ABCC3: variants seen among roughly 807,000 people sequenced by gnomAD.
ABCC3 encodes the protein ATP binding cassette subfamily C member 3.
A neutral mutation model predicts 165.3 loss-of-function variants in ABCC3; 121 were observed. That is an observed-to-expected ratio of 0.73 (90% CI 0.63 to 0.85). The LOEUF (loss-of-function observed/expected upper bound fraction) is 0.85. ABCC3 is among the 40% of genes least tolerant of loss of function. The pLI, the probability that ABCC3 is intolerant of heterozygous loss-of-function variation, is 0.00. For synonymous variants in ABCC3, 733 were observed against 810.1 expected (o/e 0.90, Z 1.62); for missense variants, 1,869 against 1,964.1 (o/e 0.95, Z 0.92).
intron 17 of ABCC3, among the ~76,000 whole-genome samples, chr17:50,669,923 GTATC>G (rs1597854850): frequency 6.6e-6 from 1 of 151,656 alleles, no homozygotes; most frequent in Non-Finnish European, 1.5e-5. Flanking sequence ...AGCCTCCTGA[GTATC>G]TGGGACCACA....
Position 50,665,200 on chromosome 17 carries a change from G to C in ABCC3, c.1386G>C (p.Leu462=). 1 of 1,613,966 alleles carries C rather than the reference G, an allele frequency of 6.2e-7. No homozygotes were observed. Residue 462 remains leucine, a synonymous_variant, in exon 11 of 31, where the codon CTG becomes CTC. Transcript: ENST00000285238. ...VLAGVAFMVL[L]IPLNGAVAVK... Reference sequence around the variant, plus strand: ...CTGGAGTCGCTTTCATGGTCTTGCTGATTCCACTCAACGGAGCTGTGGCCG... The same window carrying C: ...CTGGAGTCGCTTTCATGGTCTTGCTCATTCCACTCAACGGAGCTGTGGCCG...
rs376156397 is a variant in ABCC3, at chr17:50,655,930, C to T, written c.144C>T (p.Ala48=). ...AWVPCIYLWV[A]LPCYLLYLRH... ...TGCCCTGCATCTACCTGTGGGTCGCCCTGCCCTGCTACTTGCTCTACCTGC... is the reference window on the plus strand; with the variant it reads ...TGCCCTGCATCTACCTGTGGGTCGCTCTGCCCTGCTACTTGCTCTACCTGC... Residue 48 remains alanine (A), a synonymous_variant, in exon 2 of 31, where the codon GCC becomes GCT. Transcript: ENST00000285238. 2 of 1,613,974 alleles carry T rather than the reference C, an allele frequency of 1.2e-6. No homozygotes were observed. The highest frequency in any genetic ancestry group is 1.7e-6 in the Non-Finnish European group (2 of 1,180,034).
intron 10 of ABCC3, 86 bp from the exon 11 acceptor site, chr17:50,665,067 A>G: frequency 2.5e-6 from 3 of 1,176,806 alleles, no homozygotes; most frequent in Non-Finnish European, 3.8e-6. Context: ...TTTCAAGTTA[A>G]CAGGCCTCTG....
chr17:50,665,141 G>A lies in ABCC3; in HGVS notation c.1339-12G>A, dbSNP rs372197227. On this transcript the variant is annotated splice_polypyrimidine_tract_variant and intron_variant, in intron 10 of 30. Transcript: ENST00000285238. Reference sequence around the variant, plus strand: ...GTCCCTATGTGTCATCTATCCACCGGTGCCTCCTCAGAACCTAGGTCCCTC... The same window carrying A: ...GTCCCTATGTGTCATCTATCCACCGATGCCTCCTCAGAACCTAGGTCCCTC... 1.2e-6 allele frequency: 2 copies of A among 1,613,124 alleles called. No individual in the cohort carries two copies. Among genetic ancestry groups the A allele is most frequent in the South Asian group, 1.1e-5 (1 of 91,064 alleles).
At position 50,658,118 on chromosome 17, in the gene ABCC3, T is replaced by A; in HGVS notation, c.523T>A (p.Tyr175Asn). 1 of 1,614,166 alleles carries A rather than the reference T, an allele frequency of 6.2e-7. No individual in the cohort carries two copies. The highest frequency in any genetic ancestry group is 1.7e-5 in the Admixed American group (1 of 60,028). ...ISDPFRFTTF[Y>N]IHFALVLSAL... Reference sequence around the variant, plus strand: ...AGACCCCTTCCGCTTCACCACCTTCTACATCCACTTTGCCCTGGTACTCTC... The same window carrying A: ...AGACCCCTTCCGCTTCACCACCTTCAACATCCACTTTGCCCTGGTACTCTC... The change falls in exon 5 of 31, where the codon TAC becomes AAC. Residue 175 changes from tyrosine to asparagine, a missense_variant. Physicochemically the swap from Tyr to Asn is moderately radical, Grantham distance 143. Transcript: ENST00000285238.
intron 4 of ABCC3, 47 bp from the exon 5 acceptor site, chr17:50,658,035 C>T: frequency 1.2e-6 from 2 of 1,613,128 alleles, no homozygotes; most frequent in Non-Finnish European, 1.7e-6. Context: ...GGGCTGCAGG[C>T]CCAGGCTTTT....
intron 1 of ABCC3, among the ~76,000 whole-genome samples, chr17:50,642,791 A>G (rs974495126): frequency 6.6e-6 from 1 of 152,194 alleles, no homozygotes; most frequent in Admixed American, 6.5e-5. Flanking sequence ...AAGTGCACAC[A>G]GCGATTCCCA....
At position 50,669,348 on chromosome 17, in the gene ABCC3, C is replaced by T; in HGVS notation, c.2065-4C>T. 3 of 1,614,198 alleles carry T rather than the reference C, an allele frequency of 1.9e-6. No individual in the cohort carries two copies. Among genetic ancestry groups the T allele is most frequent in the Non-Finnish European group, 2.5e-6 (3 of 1,180,024 alleles). On this transcript the variant is annotated splice_region_variant and splice_polypyrimidine_tract_variant and intron_variant, in intron 16 of 30. Transcript: ENST00000285238. ...GCCCCGAGGTAAATTTCTCCTGTGG[C>T]CAGGGCTCCGTGGCCTATGTGCCCC...
At position 50,673,506 on chromosome 17, in the gene ABCC3, C is replaced by T. The variant is rs1967695401; in HGVS notation, c.2447C>T (p.Pro816Leu). The T allele has an allele frequency of 6.2e-7, 1 of 1,614,118 alleles. No individual in the cohort carries two copies. The highest frequency in any genetic ancestry group is 8.5e-7 in the Non-Finnish European group (1 of 1,180,018). The change falls in exon 19 of 31, where the codon CCC becomes CTC. Residue 816 changes from proline (P) to leucine (L), a missense_variant. Physicochemically the swap from Pro to Leu is moderately conservative, Grantham distance 98. Transcript: ENST00000285238. ...VLVTHGISFL[P>L]QTDFIIVLAD... ...GTGACGCACGGCATTAGCTTCCTGC[C>T]CCAGACAGACTTCATCATTGTGCTA...
At chr17:50,652,231 A>G (rs963221658) in intron 1 of ABCC3, among the ~76,000 whole-genome samples, 5 of 152,240 alleles carry the variant, frequency 3.3e-5, no homozygotes, top group Non-Finnish European at 7.3e-5. Context: ...ACAGCAACAG[A>G]TCTTACAGCT....
Position 50,679,804 on chromosome 17 carries a change from T to G in ABCC3, c.3712T>G (p.Phe1238Val). 1 of 1,613,856 alleles carries G rather than the reference T, an allele frequency of 6.2e-7. No individual in the cohort carries two copies. The highest frequency in any genetic ancestry group is 1.7e-4 in the Middle Eastern group (1 of 6,058). ...ACCCAGTCCCTTTGGCCAGGTGACA[T>G]TTGCTCTGAACTGGATGATACGAAT... ...LSVSYSLQVT[F>V]ALNWMIRMMS... The change falls in exon 26 of 31, where the codon TTT becomes GTT. Residue 1238 changes from phenylalanine (F) to valine (V), a missense_variant. By Grantham distance (50) the Phe-to-Val change is conservative (BLOSUM62 -1). Coordinates refer to ENST00000285238, the MANE Select transcript of ABCC3 (RefSeq NM_003786.4).
At chr17:50,647,732 G>A (rs748145542) in intron 1 of ABCC3, among the ~76,000 whole-genome samples, 4 of 152,168 alleles carry the variant, frequency 2.6e-5, no homozygotes, top group Non-Finnish European at 4.4e-5. Flanking sequence ...AGTCTGAAAC[G>A]GGTCTATTTA....
intron 29 of ABCC3, 174 bp from the exon 30 acceptor site, chr17:50,687,362 C>T (rs1266134866): frequency 1.6e-6 from 1 of 626,828 alleles, no homozygotes; most frequent in East Asian, 2.8e-5. Flanking sequence ...CCCTCATTAT[C>T]CCAATGGTGT....
At chr17:50,658,303 G>A in intron 5 of ABCC3, 96 bp downstream of exon 5, 1 of 1,595,966 alleles carries the variant, frequency 6.3e-7, no homozygotes, top group South Asian at 1.1e-5. Flanking sequence ...TTTCAAAGTG[G>A]GAGAGAGGTC....
At chr17:50,643,849 G>C (rs1010577735) in intron 1 of ABCC3, among the ~76,000 whole-genome samples, 1 of 152,142 alleles carries the variant, frequency 6.6e-6, no homozygotes, top group Admixed American at 6.6e-5. Context: ...GATGCCATGG[G>C]GGGGGTCTTG....
intron 27 of ABCC3, 29 bp from the exon 28 acceptor site, chr17:50,683,920 C>G (rs774927030): frequency 1.9e-6 from 3 of 1,608,076 alleles, no homozygotes; most frequent in Non-Finnish European, 1.7e-6. Context: ...TCAGCTTCCC[C>G]CTCAGAGCCC....
chr17:50,641,430 C>A (rs1347535258), intron 1 of ABCC3, among the ~76,000 whole-genome samples: 1 of 152,158 alleles, frequency 6.6e-6, no homozygotes, highest in Non-Finnish European at 1.5e-5. Context: ...CAGGGAATAA[C>A]CTTCACTGGC....
chr17:50,656,081 AAATTAATT>A, intron 2 of ABCC3, 73 bp downstream of exon 2: 1 of 1,155,808 alleles, frequency 8.7e-7, no homozygotes, highest in South Asian at 2.7e-5. Flanking sequence ...TAATTTAATT[AAATTAATT>A]AATTAATTAA....
Position 50,676,511 on chromosome 17 carries a change from C to T in ABCC3, c.3301C>T (p.Leu1101Phe). Residue 1101 changes from leucine (L) to phenylalanine (F), a missense_variant, in exon 23 of 31, where the codon CTT (leucine) becomes TTT (phenylalanine). Transcript: ENST00000285238. ...LNSFFNAIST[L>F]VVIMASTPLF... ...TTCCTTCTTCAACGCCATCTCCACT[C>T]TTGTGGTCATCATGGCCAGCACGCC... 1 of 1,613,866 alleles carries T rather than the reference C, an allele frequency of 6.2e-7. No individual in the cohort carries two copies. Among genetic ancestry groups the T allele is most frequent in the Non-Finnish European group, 8.5e-7 (1 of 1,179,960 alleles).
Sources: gnomAD v4.1 joint callset for allele counts (sites outside exome capture counted in the v4.1 genomes callset) on GRCh38, gnomAD v4.1.1 for gene constraint, MANE v1.5 for transcripts, NCBI Gene and HGNC (gene_info 2026-07-23, HGNC 2026-07-21) for gene names.